The following NONO variants were observed in gnomAD, a reference collection of about 807,000 sequenced individuals.
The protein encoded by NONO is non-POU domain-containing octamer-binding protein.
NONO carries 6 observed loss-of-function variants against 40.2 expected under a neutral mutation model. The observed-to-expected ratio is 0.15, with a 90% CI of 0.08 to 0.29. The LOEUF (loss-of-function observed/expected upper bound fraction) is 0.29, where lower values mean the gene tolerates loss of function less well. Among genes scored for constraint, NONO ranks in the 10% least tolerant of loss-of-function variants. NONO has a pLI of 1.00. For synonymous variants in NONO, 89 were observed against 123.3 expected, an observed-to-expected ratio of 0.72 and a Z score of 1.85; for missense variants, 133 against 397.8, an observed-to-expected ratio of 0.33 and a Z score of 5.66.
At position 71,290,720 on chromosome X, in the gene NONO, A is replaced by C. The variant is rs1163981178; in HGVS notation, c.83A>C (p.His28Pro). 1 of 1,201,740 alleles carries C rather than the reference A, an allele frequency of 8.3e-7. No individual in the cohort carries two copies. ...CATCAACATCACCACCAGCAGCAGC[A>C]CCACCAGCAGCAACAGCAGCAGCCG... ...KHHQHHHQQQ[H>P]HQQQQQQPPP... Residue 28 changes from histidine (H) to proline (P), a missense_variant, in exon 3 of 12, where the codon CAC becomes CCC. This residue lies in a region of NONO where 28 missense variants were observed against 29.5 expected (regional missense o/e 0.95). Coordinates refer to ENST00000276079, the MANE Select transcript of NONO (RefSeq NM_007363.5).
intron 11 of NONO, among the ~76,000 whole-genome samples, chrX:71,299,141 C>T (rs779940954): frequency 9.9e-5 from 11 of 111,670 alleles, no homozygotes; most frequent in African/African-American, 3.6e-4. Flanking sequence ...AGGCTGGTCT[C>T]GAACTCCTGA....
rs368880333 is a variant in NONO at position 71,297,059 on chromosome X, C to T, written c.943+12C>T. ...GCTAATGAGACAGGGTGAGTCTAGG[C>T]CTGTAAGTCTTAAAGCTGAAAGGAC... On this transcript the variant is annotated intron_variant, in intron 7 of 11. Coordinates refer to ENST00000276079, the MANE Select transcript of NONO (RefSeq NM_007363.5). 8.7e-7 allele frequency: 1 copy of T among 1,155,224 alleles called. No homozygotes were observed. Among genetic ancestry groups the T allele is most frequent in the African/African-American group, 1.8e-5 (1 of 55,508 alleles).
At position 71,294,289 on chromosome X, in the gene NONO, GC is replaced by G. The variant is rs2031388821; in HGVS notation, c.412del (p.Gln138SerfsTer37). 8.3e-7 allele frequency: 1 copy of G among 1,210,815 alleles called. No individual in the cohort carries two copies. Among genetic ancestry groups the G allele is most frequent in the African/African-American group, 1.7e-5 (1 of 57,441 alleles). On this transcript the variant is annotated frameshift_variant, in exon 5 of 12. Coordinates refer to ENST00000276079, the MANE Select transcript of NONO (RefSeq NM_007363.5). LOFTEE classifies it high-confidence loss of function. ...ELDNMPLRGK[Q>X]LRVRFACHSA... The stretch of plus-strand genomic sequence containing the variant: ...TGGACAATATGCCACTCCGTGGAAA[GC>G]AGCTGCGTGTGCGCTTTGCCTGCCA...
intron 5 of NONO, among the ~76,000 whole-genome samples, chrX:71,294,729 C>A (rs1373557536): frequency 9.1e-6 from 1 of 110,038 alleles, no homozygotes; most frequent in Non-Finnish European, 1.9e-5. Context: ...ACCAGCCTGA[C>A]CAACATGGTG....
intron 2 of NONO, among the ~76,000 whole-genome samples, chrX:71,289,452 C>T (rs1272149748): frequency 1.8e-5 from 2 of 109,429 alleles, no homozygotes; most frequent in East Asian, 2.9e-4. Context: ...CCACCACGCC[C>T]GGCTAATTTT....
intron 4 of NONO, 113 bp from the exon 5 acceptor site, chrX:71,294,114 A>G: frequency 1.3e-6 from 1 of 751,444 alleles, no homozygotes; most frequent in Non-Finnish European, 1.9e-6. Flanking sequence ...GTTTCTTTGT[A>G]TGGTTGTTTA....
chrX:71,286,936 A>G (rs1371574187), intron 2 of NONO, among the ~76,000 whole-genome samples: 1 of 111,835 alleles, frequency 8.9e-6, no homozygotes, highest in African/African-American at 3.2e-5. Flanking sequence ...AATTGCATTA[A>G]TGTTTTCAGT....
chrX:71,289,915 G>A (rs1278774572), intron 2 of NONO, among the ~76,000 whole-genome samples: 1 of 111,287 alleles, frequency 9.0e-6, no homozygotes, highest in African/African-American at 3.3e-5. Flanking sequence ...GGGATTACAG[G>A]CGCCCGCTAC....
intron 2 of NONO, among the ~76,000 whole-genome samples, chrX:71,286,652 C>T (rs932671946): frequency 1.8e-5 from 2 of 111,630 alleles, no homozygotes; most frequent in African/African-American, 6.5e-5. Flanking sequence ...TTTATGTGGT[C>T]TTCATAATTT....
rs2031570860 is a variant in NONO, at chrX:71,300,810, C to T, written c.*734C>T. On this transcript the variant is annotated 3_prime_UTR_variant, in exon 12 of 12. Transcript: ENST00000276079. ...ACCCCATATATTACCCCTTCATGTC[C>T]TAAAGAAGACATTTTCTCTTAGAGA... The T allele has an allele frequency of 6.1e-6, 1 of 165,280 alleles. No homozygotes were observed. The highest frequency in any genetic ancestry group is 3.2e-4 in the South Asian group (1 of 3,077). 13.6% of individuals were successfully genotyped at this position (165,280 alleles called of 1,213,427 possible).
chrX:71,299,527 C>A (rs185245536), intron 11 of NONO, among the ~76,000 whole-genome samples: 1 of 112,791 alleles, frequency 8.9e-6, no homozygotes, highest in East Asian at 2.8e-4. Flanking sequence ...CCAAATACTT[C>A]ATGGCTCATG....
At position 71,300,604 on chromosome X, in the gene NONO, C is replaced by T. The variant is rs996931940; in HGVS notation, c.*528C>T. The T allele has an allele frequency of 3.3e-5, 6 of 183,051 alleles. No homozygotes were observed. The highest frequency in any genetic ancestry group is 1.6e-4 in the East Asian group (2 of 12,255). The allele number at this position is 183,051 out of a possible 1,213,427, so 15.1% of individuals were successfully genotyped here. A position where few individuals can be genotyped will look rare whatever the true frequency, so the allele number is the denominator to read the frequency against. On this transcript the variant is annotated 3_prime_UTR_variant, in exon 12 of 12. Transcript: ENST00000276079. ...TGCTGGGATTACAGGGGTGAGCCAC[C>T]GTGCCCAACCTCACTTGCTTCTTAT...
rs747625846 is a variant in NONO at position 71,295,310 on chromosome X, C to T, written c.650+782C>T. Among the ~76,000 whole-genome samples, 69 of 108,610 alleles carry T rather than the reference C, an allele frequency of 6.4e-4. 3 individuals carry two copies. The Admixed American group carries it at 6.7e-3, about 10-fold the overall frequency. 94.3% of individuals were successfully genotyped at this position (108,610 alleles called of 115,157 possible). Reference sequence around the variant, plus strand: ...GACCATCCTGGCTAACACGGTGAAACCCCGTCTCTACTAAAAAATACAACA... The same window carrying T: ...GACCATCCTGGCTAACACGGTGAAATCCCGTCTCTACTAAAAAATACAACA... On this transcript the variant is annotated intron_variant, in intron 5 of 11. Coordinates refer to ENST00000276079, the MANE Select transcript of NONO (RefSeq NM_007363.5).
intron 2 of NONO, among the ~76,000 whole-genome samples, chrX:71,284,798 T>C (rs1353616183): frequency 1.8e-5 from 2 of 112,146 alleles, no homozygotes; most frequent in Admixed American, 1.9e-4. Context: ...ATTTCAGATA[T>C]GTGTGATGTA....
chrX:71,297,093 A>AT, intron 7 of NONO, 46 bp downstream of exon 7: 2 of 1,034,464 alleles, frequency 1.9e-6, no homozygotes. Context: ...ACAAAATGAC[A>AT]TTTTTAAATG....
chrX:71,292,219 C>T (rs1242485328), intron 4 of NONO: 4 of 208,059 alleles, frequency 1.9e-5, no homozygotes, highest in African/African-American at 9.2e-5. Flanking sequence ...TTTTTTGAGA[C>T]GGAGTATCAC....
At chrX:71,291,509 CTT>C (rs1457474452) in intron 3 of NONO, among the ~76,000 whole-genome samples, 5 of 110,348 alleles carry the variant, frequency 4.5e-5, no homozygotes, top group African/African-American at 1.7e-4. Flanking sequence ...TAATTTTTCT[CTT>C]TGGCCGGTAA....
At chrX:71,294,131 C>G in intron 4 of NONO, 96 bp from the exon 5 acceptor site, 1 of 858,552 alleles carries the variant, frequency 1.2e-6, no homozygotes, top group Non-Finnish European at 1.6e-6. Context: ...TTTAGTTTTT[C>G]CGGGGAGATA....
intron 2 of NONO, among the ~76,000 whole-genome samples, chrX:71,288,496 A>T (rs1358065027): frequency 3.6e-5 from 4 of 111,603 alleles, no homozygotes; most frequent in African/African-American, 1.3e-4. Flanking sequence ...GGTTCAAGTG[A>T]TTCTCCTGGC....
Sources: gnomAD v4.1 joint callset for allele counts (sites outside exome capture counted in the v4.1 genomes callset) on GRCh38, gnomAD v4.1.1 for gene constraint, gnomAD v4.1.1 regional missense constraint, MANE v1.5 for transcripts, NCBI Gene and HGNC (gene_info 2026-07-23, HGNC 2026-07-21) for gene names.